ATP10B: variants seen among roughly 807,000 people sequenced by gnomAD.
ATP10B encodes phospholipid-transporting ATPase VB.
A neutral mutation model predicts 141.2 loss-of-function variants in ATP10B; 122 were observed. The ratio of observed to expected loss-of-function variants is 0.86; its 90% CI spans 0.75 to 1.00. The LOEUF is 1.00. Among genes scored for constraint, ATP10B ranks in the 50% least tolerant of loss-of-function variants. The probability of loss-of-function intolerance (pLI) is 0.00; values close to 1 mark genes in which losing one functional copy is unlikely to be tolerated. For missense variants in ATP10B, 1,876 were observed against 1,825.3 expected, an observed-to-expected ratio of 1.03 and a Z score of -0.51; for synonymous variants, 685 against 692.0, an observed-to-expected ratio of 0.99 and a Z score of 0.16.
chr5:160,758,189 C>T (rs1768771226), intron 2 of ATP10B, among the ~76,000 whole-genome samples: 1 of 152,050 alleles, frequency 6.6e-6, no homozygotes, highest in Admixed American at 6.6e-5. Flanking sequence ...GCCAATGTGA[C>T]TATCCATCAC....
At chr5:160,864,704 G>A in the ATP10B span, among the ~76,000 whole-genome samples, 1 of 151,960 alleles carries the variant, frequency 6.6e-6, no homozygotes, top group African/African-American at 2.4e-5. Context: ...GCTCAGACCT[G>A]ATAAATGAAT....
intron 18 of ATP10B, among the ~76,000 whole-genome samples, chr5:160,610,902 C>T (rs774958461): frequency 2.2e-4 from 33 of 152,156 alleles, no homozygotes; most frequent in Non-Finnish European, 4.1e-4. Flanking sequence ...GATCCCATAA[C>T]TTGATTATTG....
chr5:160,674,758 A>G (rs2024524), intron 6 of ATP10B, among the ~76,000 whole-genome samples: 131,044 of 151,826 alleles, frequency 0.86, 56,717 homozygotes, highest in East Asian at 0.9. Context: ...TGACTTTGGG[A>G]GCATTCATTA....
At chr5:160,639,542 A>G (rs776678031) in intron 10 of ATP10B, among the ~76,000 whole-genome samples, 1 of 152,198 alleles carries the variant, frequency 6.6e-6, no homozygotes, top group African/African-American at 2.4e-5. Context: ...GGAAGGAACC[A>G]CAGACTAAGG....
At chr5:160,872,903 T>TGTGAAGAACGACGGTGGTA in the ATP10B span, among the ~76,000 whole-genome samples, 1 of 152,164 alleles carries the variant, frequency 6.6e-6, no homozygotes, top group Non-Finnish European at 1.5e-5. Flanking sequence ...TTTTCTACTC[T>TGTGAAGAACGACGGTGGTA]GTGAAGAACG....
intron 1 of ATP10B, among the ~76,000 whole-genome samples, chr5:160,842,683 A>G (rs1236605026): frequency 6.6e-6 from 1 of 152,000 alleles, no homozygotes; most frequent in Non-Finnish European, 1.5e-5. Flanking sequence ...TTAAAAATTT[A>G]TTTAATAATA....
the ATP10B span, among the ~76,000 whole-genome samples, chr5:160,869,585 T>C: frequency 6.6e-6 from 1 of 152,286 alleles, no homozygotes; most frequent in African/African-American, 2.4e-5. Context: ...TGCACCATTC[T>C]AACAACAAGT....
the ATP10B span, among the ~76,000 whole-genome samples, chr5:160,873,126 T>C: frequency 6.6e-6 from 1 of 151,852 alleles, no homozygotes; most frequent in Non-Finnish European, 1.5e-5. Context: ...TTTTTTTGTT[T>C]TTTTTTTTTC....
At chr5:160,637,129 TATCC>T (rs35749013) in intron 10 of ATP10B, among the ~76,000 whole-genome samples, 23 of 146,656 alleles carry the variant, frequency 1.6e-4, no homozygotes, top group East Asian at 4.1e-4. Flanking sequence ...TCTATCCATC[TATCC>T]ATCCATCCAT....
chr5:160,588,725 T>A (rs1756077787), intron 24 of ATP10B, among the ~76,000 whole-genome samples: 1 of 152,180 alleles, frequency 6.6e-6, no homozygotes, highest in Admixed American at 6.5e-5. Flanking sequence ...CAAAGGGCTC[T>A]AGAGGTTAAA....
At chr5:160,603,233 T>C (rs1757194975) in intron 20 of ATP10B, 1 of 155,458 alleles carries the variant, frequency 6.4e-6, no homozygotes, top group African/African-American at 2.4e-5. Flanking sequence ...ACATGCCTGT[T>C]TATAAGTCCT....
chr5:160,616,345 T>G (rs147966719), intron 16 of ATP10B, among the ~76,000 whole-genome samples: 1 of 152,278 alleles, frequency 6.6e-6, no homozygotes, highest in African/African-American at 2.4e-5. Context: ...AATAACTGAA[T>G]AGGGGGCTGC....
intron 22 of ATP10B, among the ~76,000 whole-genome samples, chr5:160,592,932 C>A (rs1406391883): frequency 6.6e-6 from 1 of 152,354 alleles, no homozygotes; most frequent in East Asian, 1.9e-4. Flanking sequence ...TGGGTGGAGC[C>A]CACCACAGCT....
At chr5:160,666,495 T>A (rs1762325923) in intron 7 of ATP10B, among the ~76,000 whole-genome samples, 1 of 152,226 alleles carries the variant, frequency 6.6e-6, no homozygotes, top group African/African-American at 2.4e-5. Flanking sequence ...TAATAGCACC[T>A]GTCCTTCTCC....
chr5:160,906,275 T>C, the ATP10B span, among the ~76,000 whole-genome samples: 2 of 152,066 alleles, frequency 1.3e-5, no homozygotes, highest in South Asian at 2.1e-4. Flanking sequence ...GACATTTCAC[T>C]ATAGCGGGAG....
chr5:160,680,672 A>G (rs1248942111), intron 6 of ATP10B, among the ~76,000 whole-genome samples: 1 of 152,226 alleles, frequency 6.6e-6, no homozygotes, highest in African/African-American at 2.4e-5. Context: ...TTTTAAAAAA[A>G]CTTTGGCTTT....
intron 11 of ATP10B, among the ~76,000 whole-genome samples, chr5:160,635,850 T>A (rs982126326): frequency 3.3e-5 from 5 of 152,222 alleles, no homozygotes; most frequent in African/African-American, 1.2e-4. Flanking sequence ...TACTTTATCT[T>A]CTTTTGTTCC....
In ATP10B at chr5:160,848,288, G is replaced by T. The variant is rs145719776; in HGVS notation, c.-576+3653C>A. 1.9e-3 allele frequency among the ~76,000 whole-genome samples: 290 copies of T among 152,254 alleles called. 1 individual carries two copies. Among genetic ancestry groups the T allele is most frequent in the African/African-American group, 6.6e-3 (276 of 41,550 alleles). ...TAAGGATGTAGCAAGTTCCTACTAT[G>T]TTCTGAGGGTTACAGGAGGCATATT... is the stretch of plus-strand genomic sequence containing the variant. On this transcript the variant is annotated intron_variant, in intron 1 of 25. Coordinates refer to ENST00000327245, the MANE Select transcript of ATP10B (RefSeq NM_025153.3).
intron 2 of ATP10B, among the ~76,000 whole-genome samples, chr5:160,758,762 A>G (rs1423887635): frequency 1.3e-5 from 2 of 152,208 alleles, no homozygotes; most frequent in African/African-American, 2.4e-5. Context: ...GTTTTGGAAC[A>G]TGGGAGTCAA....
Sources: allele counts gnomAD v4.1 joint callset (sites outside exome capture counted in the v4.1 genomes callset), GRCh38; gene constraint gnomAD v4.1.1; transcripts MANE v1.5; gene names NCBI Gene and HGNC (gene_info 2026-07-23, HGNC 2026-07-21).